The following WBP2NL variants were observed in gnomAD, a reference collection of about 807,000 sequenced individuals.
The protein encoded by WBP2NL is postacrosomal sheath WW domain-binding protein.
A neutral mutation model predicts 23.3 loss-of-function variants in WBP2NL; 27 were observed. The ratio of observed to expected loss-of-function variants is 1.16; its 90% CI spans 0.85 to 1.60. The LOEUF (loss-of-function observed/expected upper bound fraction) is 1.60, where lower values mean the gene tolerates loss of function less well. WBP2NL is among the 40% of genes most tolerant of loss of function. The probability of loss-of-function intolerance (pLI) is 0.00; values close to 1 mark genes in which losing one functional copy is unlikely to be tolerated. For missense variants in WBP2NL, 370 were observed against 389.5 expected (o/e 0.95, Z 0.42); for synonymous variants, 151 against 145.9 (o/e 1.03, Z -0.25).
intron 8 of WBP2NL, among the ~76,000 whole-genome samples, chr22:42,043,834 C>G (rs981740075): frequency 6.6e-6 from 1 of 152,000 alleles, no homozygotes; most frequent in East Asian, 1.9e-4. Flanking sequence ...TCAAGCGATT[C>G]TCCTGCCTCA....
intron 1 of WBP2NL, among the ~76,000 whole-genome samples, chr22:42,008,643 T>G (rs1226451627): frequency 1.3e-5 from 2 of 152,186 alleles, no homozygotes; most frequent in Non-Finnish European, 2.9e-5. Flanking sequence ...TTATTGCTCT[T>G]GTTGCCCAGG....
intron 8 of WBP2NL, among the ~76,000 whole-genome samples, chr22:42,051,656 C>A (rs1777584502): frequency 6.6e-6 from 1 of 152,100 alleles, no homozygotes; most frequent in Non-Finnish European, 1.5e-5. Context: ...GAAACCTAAA[C>A]CTGGTCTTTA....
intron 8 of WBP2NL, among the ~76,000 whole-genome samples, chr22:42,052,851 C>T (rs1426949256): frequency 6.6e-6 from 1 of 152,182 alleles, no homozygotes; most frequent in Non-Finnish European, 1.5e-5. Flanking sequence ...TAATTGTAGG[C>T]TCTCTGTATA....
rs761447708 is a variant in WBP2NL, at chr22:42,020,097, G to A, written c.406+1G>A. 48 of 1,612,678 alleles carry A rather than the reference G, an allele frequency of 3.0e-5. No homozygotes were observed. The highest frequency in any genetic ancestry group is 3.9e-5 in the Non-Finnish European group (46 of 1,178,988). On this transcript the variant is annotated splice_donor_variant, in intron 4 of 5. Coordinates refer to ENST00000328823, the MANE Select transcript of WBP2NL (RefSeq NM_152613.3). LOFTEE classifies it high-confidence loss of function. ...TTGATGGTGAAAGCTGCCTCTGCTG[G>A]TAAGTGATGCTGATAAAGATATTAA...
chr22:42,011,345 C>T (rs973799552), intron 1 of WBP2NL, among the ~76,000 whole-genome samples: 11 of 152,028 alleles, frequency 7.2e-5, no homozygotes, highest in Non-Finnish European at 1.5e-4. Context: ...CCTCAATCTC[C>T]GAGGCTCAAG....
intron 1 of WBP2NL, among the ~76,000 whole-genome samples, chr22:42,006,305 C>G (rs1922241212): frequency 6.6e-6 from 1 of 151,558 alleles, no homozygotes; most frequent in Non-Finnish European, 1.5e-5. Flanking sequence ...ACTGCAAGCT[C>G]TGCCTCCCGG....
chr22:42,002,026 C>T (rs1018898843), intron 1 of WBP2NL: 14 of 589,104 alleles, frequency 2.4e-5, no homozygotes, highest in Middle Eastern at 4.8e-4. Flanking sequence ...GCTTTGACTC[C>T]GGGGCTGATT....
chr22:42,037,305 G>A (rs551433232), downstream of WBP2NL, among the ~76,000 whole-genome samples: 9 of 152,132 alleles, frequency 5.9e-5, no homozygotes, highest in East Asian at 1.7e-3. Flanking sequence ...CATTTTGTCT[G>A]TGTCTGTTTT....
chr22:42,023,747 A>T (rs1157942978), intron 5 of WBP2NL, among the ~76,000 whole-genome samples: 1 of 151,758 alleles, frequency 6.6e-6, no homozygotes, highest in Non-Finnish European at 1.5e-5. Flanking sequence ...CGCCCGCCTC[A>T]GCCTCCCAAA....
chr22:42,000,542 TAAGAG>T (rs1268439428), intron 1 of WBP2NL, among the ~76,000 whole-genome samples: 1 of 152,206 alleles, frequency 6.6e-6, no homozygotes, highest in Non-Finnish European at 1.5e-5. Context: ...GAAATGGCTT[TAAGAG>T]AAAACTGGTC....
At chr22:42,015,248 G>C (rs938352153) in intron 1 of WBP2NL, among the ~76,000 whole-genome samples, 3 of 152,156 alleles carry the variant, frequency 2.0e-5, no homozygotes, top group African/African-American at 7.2e-5. Context: ...TGGCCAGCTA[G>C]TGATTTGACA....
chr22:42,024,143 C>T (rs1602463997), intron 5 of WBP2NL, among the ~76,000 whole-genome samples: 1 of 152,148 alleles, frequency 6.6e-6, no homozygotes, highest in East Asian at 1.9e-4. Flanking sequence ...TTTGAGGTTC[C>T]TCCAAGTTGT....
intron 1 of WBP2NL, among the ~76,000 whole-genome samples, chr22:42,018,294 C>A (rs1345655463): frequency 6.2e-5 from 7 of 113,220 alleles, no homozygotes; most frequent in Admixed American, 3.5e-4. Context: ...GCCTGGGCAA[C>A]AGAGTGAGAC....
chr22:42,036,177 A>AT (rs897701382), downstream of WBP2NL, among the ~76,000 whole-genome samples: 31 of 147,052 alleles, frequency 2.1e-4, no homozygotes, highest in South Asian at 4.3e-4. Flanking sequence ...CATATGTTCT[A>AT]TTTTTTTTTT....
rs77870739 is a variant in WBP2NL, at chr22:42,028,347, C to G, written c.*1166C>G. 8,668 of 310,244 alleles carry G rather than the reference C, an allele frequency of 0.028. 685 individuals are homozygous for G. The highest frequency in any genetic ancestry group is 0.17 in the African/African-American group (7,763 of 46,806). The allele number at this position is 310,244 out of a possible 1,614,324, so 19.2% of individuals were successfully genotyped here. A position where few individuals can be genotyped will look rare whatever the true frequency, so the allele number is the denominator to read the frequency against. The stretch of plus-strand genomic sequence containing the variant: ...AACGTTTATATTTGTATATTTATAA[C>G]AAATATTTTGTAATGTCTCCTTCAC... On this transcript the variant is annotated 3_prime_UTR_variant, in exon 6 of 6. Coordinates refer to ENST00000328823, the MANE Select transcript of WBP2NL (RefSeq NM_152613.3).
chr22:42,004,143 A>G (rs1201522228), intron 1 of WBP2NL, among the ~76,000 whole-genome samples: 1 of 152,142 alleles, frequency 6.6e-6, no homozygotes, highest in African/African-American at 2.4e-5. Context: ...GTGGTGGCAC[A>G]TGCCTGTAAT....
downstream of WBP2NL, among the ~76,000 whole-genome samples, chr22:42,036,427 G>A (rs964859536): frequency 1.3e-5 from 2 of 152,202 alleles, no homozygotes; most frequent in African/African-American, 4.8e-5. Flanking sequence ...CCCCGCCTCG[G>A]CCTCCCAAAG....
At chr22:42,007,957 A>AT (rs772890256) in intron 1 of WBP2NL, among the ~76,000 whole-genome samples, 3 of 151,752 alleles carry the variant, frequency 2.0e-5, no homozygotes, top group Admixed American at 1.3e-4. Context: ...TCTATTTTTA[A>AT]TTTTTTTTGA....
chr22:42,023,417 A>G (rs550314916), intron 5 of WBP2NL, among the ~76,000 whole-genome samples: 177 of 151,272 alleles, frequency 1.2e-3, no homozygotes, highest in Non-Finnish European at 1.8e-3. Flanking sequence ...CTGGTTCTGA[A>G]CTCCTGGCCT....
Sources: allele counts gnomAD v4.1 joint callset (sites outside exome capture counted in the v4.1 genomes callset), GRCh38; gene constraint gnomAD v4.1.1; transcripts MANE v1.5; gene names NCBI Gene and HGNC (gene_info 2026-07-23, HGNC 2026-07-21).